The following WWOX variants were observed in gnomAD, a reference collection of about 807,000 sequenced individuals.
WWOX encodes WW domain containing oxidoreductase, also known as WW domain-containing oxidoreductase.
In WWOX, 69 loss-of-function variants were observed where a neutral mutation model predicts 46.2. The observed-to-expected ratio is 1.49, with a 90% CI of 1.23 to 1.82. The LOEUF is 1.82. Ranked by LOEUF, WWOX falls within the 40% of genes most tolerant of loss-of-function variation. The pLI is 0.00. For synonymous variants in WWOX, 359 were observed against 202.6 expected, an observed-to-expected ratio of 1.77 and a Z score of -6.56; for missense variants, 919 against 542.6, an observed-to-expected ratio of 1.69 and a Z score of -6.89.
intron 8 of WWOX, chr16:78,526,340 G>C (rs111290353): frequency 1.2e-4 from 19 of 152,370 alleles, no homozygotes; most frequent in African/African-American, 4.3e-4. Context: ...AGGAAATGTG[G>C]TGCTGAGCCC....
At chr16:78,556,766 A>G (rs1292911380) in intron 8 of WWOX, among the ~76,000 whole-genome samples, 1 of 151,876 alleles carries the variant, frequency 6.6e-6, no homozygotes, top group Non-Finnish European at 1.5e-5. Context: ...CCCAGCCTGG[A>G]GTGAAGTGGC....
intron 8 of WWOX, among the ~76,000 whole-genome samples, chr16:78,460,711 T>A (rs911666452): frequency 6.6e-6 from 1 of 152,158 alleles, no homozygotes; most frequent in Non-Finnish European, 1.5e-5. Flanking sequence ...TGACCACTTT[T>A]TAAACATGAC....
chr16:78,712,021 C>T (rs185095388), intron 8 of WWOX, among the ~76,000 whole-genome samples: 22 of 152,248 alleles, frequency 1.4e-4, no homozygotes, highest in African/African-American at 4.8e-4. Context: ...CAACGTCCTC[C>T]CAATCATAGG....
At chr16:78,527,775 A>G (rs4496157) in intron 8 of WWOX, among the ~76,000 whole-genome samples, 123,999 of 151,246 alleles carry the variant, frequency 0.82, 52,166 homozygotes, top group East Asian at 1. Flanking sequence ...GCATGTCAAT[A>G]TCTGGAGACA....
At chr16:79,062,032 G>T (rs1165465788) in intron 8 of WWOX, among the ~76,000 whole-genome samples, 10 of 152,110 alleles carry the variant, frequency 6.6e-5, no homozygotes. Flanking sequence ...GGAGAGTATG[G>T]TTTGTGATGC....
intron 5 of WWOX, among the ~76,000 whole-genome samples, chr16:78,226,452 TTGTCCTGTCC>T (rs558775038): frequency 7.9e-5 from 12 of 151,036 alleles, no homozygotes; most frequent in Middle Eastern, 3.4e-3. Context: ...CTTTCCTTTC[TTGTCCTGTCC>T]TGTCCTGTCC....
chr16:79,053,976 T>G (rs1028891334), intron 8 of WWOX, among the ~76,000 whole-genome samples: 2 of 139,258 alleles, frequency 1.4e-5, no homozygotes, highest in Non-Finnish European at 3.2e-5. Flanking sequence ...TCTGCTGTTA[T>G]TATCTCAAGG....
intron 8 of WWOX, among the ~76,000 whole-genome samples, chr16:79,073,268 C>T (rs537664694): frequency 6.6e-6 from 1 of 151,980 alleles, no homozygotes; most frequent in South Asian, 2.1e-4. Flanking sequence ...CGACCTCCAC[C>T]TCTTGGGTTC....
chr16:78,150,150 A>G (rs1034402760), intron 4 of WWOX, among the ~76,000 whole-genome samples: 1 of 152,174 alleles, frequency 6.6e-6, no homozygotes, highest in Non-Finnish European at 1.5e-5. Flanking sequence ...CCATCTCCTC[A>G]GGCTTGATAA....
chr16:78,758,846 A>G (rs1159184278), intron 8 of WWOX, among the ~76,000 whole-genome samples: 2 of 151,794 alleles, frequency 1.3e-5, no homozygotes, highest in Admixed American at 6.6e-5. Context: ...TGTATCACTA[A>G]CCATTTGAAG....
chr16:78,213,866 T>G (rs764447371), intron 5 of WWOX, among the ~76,000 whole-genome samples: 2 of 152,168 alleles, frequency 1.3e-5, no homozygotes, highest in Non-Finnish European at 2.9e-5. Context: ...CCTGGAGACC[T>G]GAGGGCTTCT....
intron 8 of WWOX, among the ~76,000 whole-genome samples, chr16:78,795,821 A>G (rs1252896070): frequency 3.9e-5 from 6 of 152,280 alleles, no homozygotes; most frequent in African/African-American, 9.6e-5. Flanking sequence ...AGTATAAAGT[A>G]TCTAGTAGAG....
intron 3 of WWOX, among the ~76,000 whole-genome samples, chr16:78,112,859 C>T (rs2032576446): frequency 2.6e-5 from 4 of 151,774 alleles, no homozygotes; most frequent in African/African-American, 7.3e-5. Flanking sequence ...GCTGCCATGC[C>T]CAGCTAATTT....
chr16:78,907,374 A>C (rs757547283), intron 8 of WWOX, among the ~76,000 whole-genome samples: 1 of 152,182 alleles, frequency 6.6e-6, no homozygotes, highest in African/African-American at 2.4e-5. Flanking sequence ...GGAAATTGCA[A>C]ATCTTGTAAC....
chr16:78,337,864 C>CA (rs1457767375), intron 5 of WWOX, among the ~76,000 whole-genome samples: 3 of 119,090 alleles, frequency 2.5e-5, no homozygotes, highest in Admixed American at 2.5e-4. Context: ...CGTGTGACCT[C>CA]AGTGGTAGAG....
At chr16:78,920,644 G>T (rs1335080399) in intron 8 of WWOX, among the ~76,000 whole-genome samples, 1 of 152,124 alleles carries the variant, frequency 6.6e-6, no homozygotes, top group Non-Finnish European at 1.5e-5. Flanking sequence ...TACCTGACCT[G>T]CTTGATTCAT....
intron 8 of WWOX, among the ~76,000 whole-genome samples, chr16:78,925,672 A>G (rs1028015624): frequency 2.6e-5 from 4 of 152,192 alleles, no homozygotes; most frequent in African/African-American, 9.6e-5. Flanking sequence ...AGGTTTTTGC[A>G]TGTATCTTTT....
rs146711917 is a variant in WWOX at position 78,606,049 on chromosome 16, T to C, written c.1056+173297T>C. 3.8e-3 allele frequency among the ~76,000 whole-genome samples: 582 copies of C among 152,364 alleles called. 7 individuals are homozygous for C. Among genetic ancestry groups the C allele is most frequent in the African/African-American group, 0.013 (535 of 41,588 alleles). On this transcript the variant is annotated intron_variant, in intron 8 of 8. Coordinates refer to ENST00000566780, the MANE Select transcript of WWOX (RefSeq NM_016373.4). ...ATACTAGTTAGGAGACACATTCTGC[T>C]ACGAGGGATGCCCTCCCAAATTAAA...
chr16:78,107,584 T>C (rs541815510), intron 1 of WWOX, among the ~76,000 whole-genome samples: 1 of 151,754 alleles, frequency 6.6e-6, no homozygotes, highest in South Asian at 2.1e-4. Context: ...AGATGCCCTA[T>C]GGGAAGGTCT....
Sources: allele counts gnomAD v4.1 joint callset (sites outside exome capture counted in the v4.1 genomes callset), GRCh38; gene constraint gnomAD v4.1.1; transcripts MANE v1.5; gene names NCBI Gene and HGNC (gene_info 2026-07-23, HGNC 2026-07-21).